STK24: variants seen among roughly 807,000 people sequenced by gnomAD.
The protein encoded by STK24 is serine/threonine-protein kinase 24.
STK24 carries 21 observed loss-of-function variants against 55.6 expected under a neutral mutation model. That is an observed-to-expected ratio of 0.38 (90% CI 0.27 to 0.54). STK24 has a LOEUF of 0.54. Among genes scored for constraint, STK24 ranks in the 20% least tolerant of loss-of-function variants. The pLI, the probability that STK24 is intolerant of heterozygous loss-of-function variation, is 0.79. For synonymous variants in STK24, 200 were observed against 215.2 expected (o/e 0.93, Z 0.62); for missense variants, 383 against 538.4 (o/e 0.71, Z 2.86).
intron 2 of STK24, among the ~76,000 whole-genome samples, chr13:98,489,440 C>T (rs777092833): frequency 7.0e-4 from 107 of 152,190 alleles, no homozygotes; most frequent in Non-Finnish European, 1.1e-3. Flanking sequence ...GATTTCTTAA[C>T]TGATTCATCT....
chr13:98,488,180 C>T (rs1270828475), intron 2 of STK24, among the ~76,000 whole-genome samples: 1 of 150,420 alleles, frequency 6.6e-6, no homozygotes, highest in Non-Finnish European at 1.5e-5. Context: ...CACACACACA[C>T]ACACACACAC....
chr13:98,501,499 GC>G (rs969697883), intron 2 of STK24, among the ~76,000 whole-genome samples: 16 of 152,110 alleles, frequency 1.1e-4, no homozygotes, highest in East Asian at 1.9e-4. Context: ...TATTTCCCCA[GC>G]CCCCCCAGTT....
intron 1 of STK24, among the ~76,000 whole-genome samples, chr13:98,571,068 T>C (rs1362426117): frequency 1.3e-5 from 2 of 152,176 alleles, no homozygotes; most frequent in African/African-American, 4.8e-5. Context: ...CAGCTCTGAA[T>C]CATCGGGAGT....
chr13:98,576,264 C>A, intron 1 of STK24: 2 of 970,796 alleles, frequency 2.1e-6, no homozygotes, highest in Non-Finnish European at 2.4e-6. Flanking sequence ...GCGCGCTCCC[C>A]GTCCCCGCCC....
chr13:98,533,253 G>T (rs1413235770), intron 1 of STK24, among the ~76,000 whole-genome samples: 1 of 152,126 alleles, frequency 6.6e-6, no homozygotes, highest in African/African-American at 2.4e-5. Context: ...CAGCTACTCA[G>T]GAGACTAAAG....
intron 1 of STK24, among the ~76,000 whole-genome samples, chr13:98,533,781 C>T (rs1234393569): frequency 3.3e-5 from 5 of 152,120 alleles, no homozygotes; most frequent in East Asian, 3.8e-4. Flanking sequence ...CACACGCACA[C>T]GCACCACACC....
intron 1 of STK24, 62 bp downstream of exon 1, chr13:98,576,683 C>T: frequency 7.2e-7 from 1 of 1,389,932 alleles, no homozygotes; most frequent in Non-Finnish European, 9.5e-7. Context: ...CGTGTGGATA[C>T]CGCCAAGTTG....
intron 3 of STK24, among the ~76,000 whole-genome samples, chr13:98,476,574 C>T (rs1487071511): frequency 1.3e-5 from 2 of 152,262 alleles, no homozygotes; most frequent in Non-Finnish European, 2.9e-5. Context: ...AAGCATCCGA[C>T]TCAGGCGTGC....
chr13:98,504,676 C>T (rs1170961099), intron 2 of STK24, among the ~76,000 whole-genome samples: 6 of 152,218 alleles, frequency 3.9e-5, no homozygotes, highest in Admixed American at 2.0e-4. Flanking sequence ...CTCAGGGGAA[C>T]TCCCTGTCCT....
At chr13:98,483,791 ACT>A (rs928945906) in intron 2 of STK24, among the ~76,000 whole-genome samples, 1 of 152,126 alleles carries the variant, frequency 6.6e-6, no homozygotes. Context: ...AGGAAGAGTA[ACT>A]CGTGTTGACT....
intron 2 of STK24, among the ~76,000 whole-genome samples, chr13:98,511,774 G>T (rs140188916): frequency 2.7e-5 from 4 of 150,254 alleles, no homozygotes; most frequent in Non-Finnish European, 4.5e-5. Context: ...TGCCATGGGC[G>T]GGGGATGGTT....
At chr13:98,484,214 G>C (rs906739052) in intron 2 of STK24, among the ~76,000 whole-genome samples, 6 of 152,168 alleles carry the variant, frequency 3.9e-5, no homozygotes, top group African/African-American at 1.4e-4. Flanking sequence ...CACAATGCTT[G>C]CTCCTGGGGA....
intron 2 of STK24, among the ~76,000 whole-genome samples, chr13:98,513,964 C>T (rs1895970758): frequency 6.6e-6 from 1 of 152,216 alleles, no homozygotes; most frequent in Admixed American, 6.5e-5. Context: ...TTGCTATGAA[C>T]TAGCTTAAAG....
At chr13:98,565,612 C>T (rs1410605943) in intron 1 of STK24, among the ~76,000 whole-genome samples, 4 of 136,668 alleles carry the variant, frequency 2.9e-5, no homozygotes, top group Non-Finnish European at 3.1e-5. Context: ...AGTCTGGGCA[C>T]GAGAATGAGA....
intron 1 of STK24, among the ~76,000 whole-genome samples, chr13:98,562,303 C>A (rs890162376): frequency 1.3e-5 from 2 of 152,170 alleles, no homozygotes; most frequent in Non-Finnish European, 2.9e-5. Flanking sequence ...GTTCCCATTT[C>A]TGTACAATCC....
intron 1 of STK24, among the ~76,000 whole-genome samples, chr13:98,522,383 T>C (rs1391596254): frequency 1.3e-5 from 2 of 152,206 alleles, no homozygotes; most frequent in Non-Finnish European, 2.9e-5. Flanking sequence ...ACATCTGACA[T>C]TCTTGCAGAA....
intron 1 of STK24, chr13:98,576,256 G>A (rs976926094): frequency 5.1e-6 from 5 of 974,914 alleles, no homozygotes; most frequent in Non-Finnish European, 6.1e-6. Context: ...GAGTCCAGGC[G>A]CGCTCCCCGT....
Position 98,547,948 on chromosome 13 carries a change from C to T in STK24, c.43-28475G>A, listed in dbSNP as rs575535523. 2.7e-4 allele frequency among the ~76,000 whole-genome samples: 41 copies of T among 152,330 alleles called. No individual in the cohort carries two copies. The South Asian group carries it at 2.9e-3, about 11-fold the overall frequency. ...TGCTAAACCCTCATGGTAGATGAGG[C>T]TATTTATGCAGCTGGGCCACCAAGC... On this transcript the variant is annotated intron_variant, in intron 1 of 10. Coordinates refer to ENST00000539966, the MANE Select transcript of STK24 (RefSeq NM_001032296.4).
chr13:98,492,157 A>G (rs1053355233), intron 2 of STK24, among the ~76,000 whole-genome samples: 5 of 152,060 alleles, frequency 3.3e-5, no homozygotes, highest in South Asian at 2.1e-4. Flanking sequence ...TTGCCCTTGA[A>G]TAATTCCAAA....
Sources: allele counts gnomAD v4.1 joint callset (sites outside exome capture counted in the v4.1 genomes callset), GRCh38; gene constraint gnomAD v4.1.1; transcripts MANE v1.5; gene names NCBI Gene and HGNC (gene_info 2026-07-23, HGNC 2026-07-21).